Variants in PTPRN2 observed in about 807,000 individuals in gnomAD.
PTPRN2 encodes the protein protein tyrosine phosphatase receptor type N2, also known as receptor-type tyrosine-protein phosphatase N2.
PTPRN2 carries 74 observed loss-of-function variants against 118.8 expected under a neutral mutation model. That is an observed-to-expected ratio of 0.62 (90% CI 0.52 to 0.76). PTPRN2 has a LOEUF of 0.76. PTPRN2 is among the 30% of genes least tolerant of loss of function. The pLI is 0.00. For missense variants in PTPRN2, 1,481 were observed against 1,394.4 expected (o/e 1.06, Z -0.99); for synonymous variants, 641 against 608.0 (o/e 1.05, Z -0.80).
intron 2 of PTPRN2, among the ~76,000 whole-genome samples, chr7:158,337,697 T>C (rs1170089345): frequency 6.7e-6 from 1 of 149,044 alleles, no homozygotes; most frequent in African/African-American, 2.5e-5. Flanking sequence ...ACACCCACAC[T>C]CTCACCATAA....
intron 12 of PTPRN2, among the ~76,000 whole-genome samples, chr7:157,771,675 A>G (rs908927740): frequency 1.3e-5 from 2 of 151,716 alleles, no homozygotes; most frequent in Non-Finnish European, 3.0e-5. Context: ...ACACAAACAC[A>G]CAGACACACA....
chr7:157,605,350 T>G (rs1585096804), intron 15 of PTPRN2, among the ~76,000 whole-genome samples: 1 of 152,090 alleles, frequency 6.6e-6, no homozygotes, highest in Admixed American at 6.5e-5. Flanking sequence ...CTCCTGGAAG[T>G]TTGGAGATAC....
rs183155502 is a variant in PTPRN2, at chr7:158,466,151, C to T, written c.163+23584G>A. On this transcript the variant is annotated intron_variant, in intron 2 of 22. Transcript: ENST00000389418. The stretch of plus-strand genomic sequence containing the variant: ...GGCCACTGTGGTCAAGAGTTAACAC[C>T]TCTGCCTCCACCCTCTCCTAGAGGC... 3.1e-3 allele frequency among the ~76,000 whole-genome samples: 473 copies of T among 152,246 alleles called. 1 individual carries two copies. Among genetic ancestry groups the T allele is most frequent in the African/African-American group, 0.011 (451 of 41,544 alleles).
chr7:158,000,535 T>C (rs1805143581), intron 11 of PTPRN2, among the ~76,000 whole-genome samples: 1 of 148,922 alleles, frequency 6.7e-6, no homozygotes, highest in Admixed American at 6.8e-5. Flanking sequence ...ACATTTCGGC[T>C]TTGAGGTCTA....
intron 10 of PTPRN2, among the ~76,000 whole-genome samples, chr7:158,092,656 C>T (rs1814291007): frequency 6.6e-6 from 1 of 152,068 alleles, no homozygotes; most frequent in Admixed American, 6.6e-5. Context: ...CAGAGAAACA[C>T]AGTGCTAATA....
At chr7:157,767,925 T>A (rs1032729528) in intron 12 of PTPRN2, among the ~76,000 whole-genome samples, 1 of 152,204 alleles carries the variant, frequency 6.6e-6, no homozygotes, top group African/African-American at 2.4e-5. Flanking sequence ...AAAGCCCGCT[T>A]GAGGGACATT....
chr7:158,146,804 C>A lies in PTPRN2; in HGVS notation c.911-8289G>T, dbSNP rs182212748. ...TGAGGGCTACAACATTGTTCTCACA[C>A]CAGCACAGACACACTAAAATGTTTT... On this transcript the variant is annotated intron_variant, in intron 6 of 22. Coordinates refer to ENST00000389418, the MANE Select transcript of PTPRN2 (RefSeq NM_002847.5). Among the ~76,000 whole-genome samples, 280 of 151,952 alleles carry A rather than the reference C, an allele frequency of 1.8e-3. 6 individuals carry two copies. Among genetic ancestry groups the A allele is most frequent in the African/African-American group, 6.5e-3 (268 of 41,388 alleles).
At position 158,526,145 on chromosome 7, in the gene PTPRN2, T is replaced by TG. The variant is rs1048905708; in HGVS notation, c.113-36361dup. ...CTACAGCTTCTGAAAGGGCCCGCTC[T>TG]GGGGGGAGCCACATCAGGCAGACAC... On this transcript the variant is annotated intron_variant, in intron 1 of 22. Coordinates refer to ENST00000389418, the MANE Select transcript of PTPRN2 (RefSeq NM_002847.5). The surrounding 1 kb of genome is among the most constrained non-coding windows in gnomAD (Gnocchi z 5.2). 1.3e-5 allele frequency among the ~76,000 whole-genome samples: 2 copies of TG among 152,112 alleles called. No individual in the cohort carries two copies. The highest frequency in any genetic ancestry group is 2.9e-5 in the Non-Finnish European group (2 of 68,006).
chr7:158,247,690 C>T (rs1796347925), intron 3 of PTPRN2, among the ~76,000 whole-genome samples: 1 of 152,190 alleles, frequency 6.6e-6, no homozygotes, highest in South Asian at 2.1e-4. Context: ...GATCTTGGCT[C>T]ACTGCAATCT....
chr7:158,397,796 T>C (rs930892271), intron 2 of PTPRN2, among the ~76,000 whole-genome samples: 2 of 151,818 alleles, frequency 1.3e-5, no homozygotes, highest in Admixed American at 6.6e-5. Context: ...AGTATAACAG[T>C]GAATAAAAAC....
At chr7:158,336,648 C>CAA (rs1805603730) in intron 2 of PTPRN2, among the ~76,000 whole-genome samples, 1 of 134,668 alleles carries the variant, frequency 7.4e-6, no homozygotes, top group Non-Finnish European at 1.6e-5. Flanking sequence ...CTCACACCCA[C>CAA]ACGTCACTCA....
intron 11 of PTPRN2, among the ~76,000 whole-genome samples, chr7:157,935,611 T>C (rs1032194982): frequency 1.3e-5 from 2 of 152,262 alleles, no homozygotes; most frequent in Admixed American, 6.5e-5. Context: ...GTCTGTATCA[T>C]TGGGACTTTC....
At chr7:157,782,917 G>A (rs1483587941) in intron 12 of PTPRN2, among the ~76,000 whole-genome samples, 1 of 152,226 alleles carries the variant, frequency 6.6e-6, no homozygotes, top group Non-Finnish European at 1.5e-5. Flanking sequence ...TGGTCTGACT[G>A]TGTCCCCACC....
At chr7:158,058,809 C>CACATCACT (rs1810039568) in intron 11 of PTPRN2, among the ~76,000 whole-genome samples, 2 of 90,166 alleles carry the variant, frequency 2.2e-5, no homozygotes, top group Admixed American at 1.1e-4. Flanking sequence ...CACACAGTGA[C>CACATCACT]GCATCACTGC....
chr7:158,528,650 C>T (rs1000443959), intron 1 of PTPRN2, among the ~76,000 whole-genome samples: 24 of 151,396 alleles, frequency 1.6e-4, no homozygotes, highest in African/African-American at 3.6e-4. Context: ...AAAAATTAGC[C>T]AGGTGTGGTG....
intron 22 of PTPRN2, among the ~76,000 whole-genome samples, chr7:157,544,048 G>T (rs1018556745): frequency 2.1e-4 from 32 of 151,892 alleles, no homozygotes; most frequent in Non-Finnish European, 4.6e-4. Flanking sequence ...GACGGAGAGA[G>T]GTGGAGAGAG....
chr7:158,301,769 C>A (rs1373395472), intron 3 of PTPRN2, among the ~76,000 whole-genome samples: 5 of 152,126 alleles, frequency 3.3e-5, no homozygotes, highest in Admixed American at 2.0e-4. Flanking sequence ...GGCAACATGG[C>A]AAAACCCCAT....
intron 15 of PTPRN2, among the ~76,000 whole-genome samples, chr7:157,612,651 G>A (rs1585108818): frequency 6.6e-6 from 1 of 152,226 alleles, no homozygotes; most frequent in East Asian, 1.9e-4. Context: ...CCCACAGCAC[G>A]GGGCGCAGGG....
At chr7:158,296,298 G>C (rs1340724778) in intron 3 of PTPRN2, among the ~76,000 whole-genome samples, 2 of 152,174 alleles carry the variant, frequency 1.3e-5, no homozygotes, top group Non-Finnish European at 2.9e-5. Context: ...ACAGGCACCA[G>C]CAGACTAGGT....
Sources: gnomAD v4.1 joint callset for allele counts (sites outside exome capture counted in the v4.1 genomes callset) on GRCh38, gnomAD v4.1.1 for gene constraint, Gnocchi (gnomAD v3.1) non-coding constraint, MANE v1.5 for transcripts, NCBI Gene and HGNC (gene_info 2026-07-23, HGNC 2026-07-21) for gene names.